LIN54: variants seen among roughly 807,000 people sequenced by gnomAD.
LIN54 encodes protein lin-54 homolog.
Under a neutral mutation model 78.7 loss-of-function variants are expected in LIN54, and 9 were observed. The observed-to-expected ratio is 0.11, with a 90% CI of 0.07 to 0.20. The LOEUF is 0.20. Ranked by LOEUF, LIN54 falls within the 10% of genes least tolerant of loss-of-function variation. The pLI, the probability that LIN54 is intolerant of heterozygous loss-of-function variation, is 1.00. For synonymous variants in LIN54, 269 were observed against 318.4 expected (o/e 0.84, Z 1.65); for missense variants, 573 against 889.9 (o/e 0.64, Z 4.53).
chr4:82,994,933 A>T (rs554246805), intron 1 of LIN54, among the ~76,000 whole-genome samples: 1 of 152,002 alleles, frequency 6.6e-6, no homozygotes, highest in Admixed American at 6.6e-5. Context: ...CTGTTAAAAG[A>T]GACTGAGAAT....
intron 3 of LIN54, among the ~76,000 whole-genome samples, chr4:82,977,566 A>C (rs928301134): frequency 6.6e-6 from 1 of 152,230 alleles, no homozygotes; most frequent in Admixed American, 6.5e-5. Context: ...TCAAGCCTAC[A>C]TACAAATCAA....
intron 11 of LIN54, 106 bp from the exon 12 acceptor site, chr4:82,931,251 A>G (rs974799385): frequency 6.7e-5 from 53 of 785,480 alleles, no homozygotes; most frequent in Non-Finnish European, 1.0e-4. Flanking sequence ...TGGTCAACTG[A>G]TAATAAGATT....
chr4:83,010,430 C>CCCAAAAAAA, intron 1 of LIN54, 54 bp downstream of exon 1: 1 of 577,000 alleles, frequency 1.7e-6, no homozygotes, highest in Non-Finnish European at 2.2e-6. Flanking sequence ...CCCATCCCCC[C>CCCAAAAAAA]AAATAAAGAG....
intron 11 of LIN54, among the ~76,000 whole-genome samples, chr4:82,931,611 A>G (rs1278889003): frequency 2.6e-5 from 4 of 152,202 alleles, no homozygotes; most frequent in Non-Finnish European, 5.9e-5. Context: ...TTTAATCTGA[A>G]GAGGGAGTTC....
At chr4:82,959,795 T>C (rs557619412) in intron 4 of LIN54, among the ~76,000 whole-genome samples, 1 of 152,302 alleles carries the variant, frequency 6.6e-6, no homozygotes, top group South Asian at 2.1e-4. Context: ...TTGAAAAACA[T>C]TGTTCTCACA....
intron 2 of LIN54, among the ~76,000 whole-genome samples, chr4:82,979,673 T>C (rs757238949): frequency 1.3e-5 from 2 of 152,056 alleles, no homozygotes; most frequent in Non-Finnish European, 2.9e-5. Flanking sequence ...GCGCAGTGGC[T>C]CACGCCTGTA....
Position 82,928,029 on chromosome 4 carries a change from C to T in LIN54, c.*73G>A. 1 of 1,264,212 alleles carries T rather than the reference C, an allele frequency of 7.9e-7. No homozygotes were observed. Among genetic ancestry groups the T allele is most frequent in the Admixed American group, 1.8e-5 (1 of 56,466 alleles). The allele number at this position is 1,264,212 out of a possible 1,614,324, so 78.3% of individuals were successfully genotyped here. A position where few individuals can be genotyped will look rare whatever the true frequency, so the allele number is the denominator to read the frequency against. On this transcript the variant is annotated 3_prime_UTR_variant, in exon 13 of 13. Transcript: ENST00000340417. ...GAATTAAAATACAGTAATTGTTTTT[C>T]TTCCAGAAAATCAAGTGTCCCTGCA...
chr4:83,009,228 T>A (rs892104461), intron 1 of LIN54, among the ~76,000 whole-genome samples: 2 of 152,180 alleles, frequency 1.3e-5, no homozygotes, highest in Non-Finnish European at 2.9e-5. Context: ...ACTACAAAAT[T>A]TGTGATATAT....
chr4:82,958,339 T>A (rs1401226085), intron 4 of LIN54, among the ~76,000 whole-genome samples: 1 of 152,172 alleles, frequency 6.6e-6, no homozygotes, highest in Admixed American at 6.6e-5. Context: ...TTTCTTAGTC[T>A]CCCTTACAGT....
chr4:82,976,343 A>T (rs17006421), intron 3 of LIN54, among the ~76,000 whole-genome samples: 27,644 of 151,452 alleles, frequency 0.18, 2,677 homozygotes, highest in South Asian at 0.31. Context: ...TGAAACATAG[A>T]AAAAGATAGT....
At chr4:83,004,190 G>GT (rs1266283002) in intron 1 of LIN54, among the ~76,000 whole-genome samples, 1 of 151,990 alleles carries the variant, frequency 6.6e-6, no homozygotes, top group African/African-American at 2.4e-5. Flanking sequence ...GAGGTCAGGA[G>GT]TTTGAGACCA....
intron 1 of LIN54, among the ~76,000 whole-genome samples, chr4:82,992,804 G>A (rs1727843416): frequency 6.6e-6 from 1 of 152,026 alleles, no homozygotes; most frequent in African/African-American, 2.4e-5. Context: ...CAAGGTGGGT[G>A]GATCACGAGG....
chr4:82,927,235 T>C lies in LIN54; in HGVS notation c.*867A>G, dbSNP rs13132580. 0.18 allele frequency: 28,055 copies of C among 152,136 alleles called. 2,768 individuals carry two copies. Among genetic ancestry groups the C allele is most frequent in the South Asian group, 0.32 (1,529 of 4,826 alleles). The allele number at this position is 152,136 out of a possible 1,614,324, so 9.4% of individuals were successfully genotyped here. On this transcript the variant is annotated 3_prime_UTR_variant, in exon 13 of 13. Coordinates refer to ENST00000340417, the MANE Select transcript of LIN54 (RefSeq NM_194282.4). ...TTCATCTTTTGCAGCTTCCCTATTCTTTGTTTCTCCACCCATGCCAAATTT... is the reference window on the plus strand; with the variant it reads ...TTCATCTTTTGCAGCTTCCCTATTCCTTGTTTCTCCACCCATGCCAAATTT...
intron 6 of LIN54, 61 bp downstream of exon 6, chr4:82,939,825 TTTC>T: frequency 6.3e-7 from 1 of 1,588,838 alleles, no homozygotes; most frequent in Admixed American, 1.7e-5. Flanking sequence ...AAATCTTAAC[TTTC>T]TATTTAAAAA....
chr4:82,937,186 C>T, intron 9 of LIN54, 41 bp downstream of exon 9: 1 of 986,584 alleles, frequency 1.0e-6, no homozygotes, highest in African/African-American at 1.6e-5. Context: ...AAGTGCATTT[C>T]TAATTACATT....
intron 1 of LIN54, among the ~76,000 whole-genome samples, chr4:83,001,966 G>A (rs1036783144): frequency 0.024 from 605 of 25,602 alleles, 237 homozygotes; most frequent in African/African-American, 0.036. Flanking sequence ...AAGGAAGGAA[G>A]GAAGGAAGGA....
intron 1 of LIN54, among the ~76,000 whole-genome samples, chr4:82,998,305 G>A (rs1728413536): frequency 6.6e-6 from 1 of 152,000 alleles, no homozygotes; most frequent in Admixed American, 6.6e-5. Context: ...AGCACTTTGG[G>A]AGGCTGAGGC....
Position 82,926,693 on chromosome 4 carries a change from A to G in LIN54, c.*1409T>C, listed in dbSNP as rs1010578917. The stretch of plus-strand genomic sequence containing the variant: ...AATGATTTAGGTTATTTTAGTAATT[A>G]TAGGAAAACAGACCTTCCAAATCAC... On this transcript the variant is annotated 3_prime_UTR_variant, in exon 13 of 13. Transcript: ENST00000340417. 6.6e-6 allele frequency: 1 copy of G among 152,202 alleles called. No individual in the cohort carries two copies. The highest frequency in any genetic ancestry group is 2.4e-5 in the African/African-American group (1 of 41,458). 9.4% of individuals were successfully genotyped at this position (152,202 alleles called of 1,614,324 possible).
chr4:82,931,129 G>C lies in LIN54; in HGVS notation c.1862C>G (p.Ser621Cys), dbSNP rs1721915307. 6.2e-7 allele frequency: 1 copy of C among 1,613,726 alleles called. No homozygotes were observed. Among genetic ancestry groups the C allele is most frequent in the African/African-American group, 1.3e-5 (1 of 74,880 alleles). Residue 621 changes from serine to cysteine, a missense_variant, in exon 12 of 13, where the codon TCC (serine) becomes TGC (cysteine). By Grantham distance (112) the Ser-to-Cys change is moderately radical. Around this residue, in one of 6 missense-constraint regions of LIN54, gnomAD observed 5 missense variants for 45.8 expected, o/e 0.11. Coordinates refer to ENST00000340417, the MANE Select transcript of LIN54 (RefSeq NM_194282.4). Reference protein sequence around the residue: ...CECYEAKIMCSSICKCIGCKN... With the variant: ...CECYEAKIMCCSICKCIGCKN... ...ACAGCCAATACATTTGCATATTGAG[G>C]AACACATTATTTTTGCCTAAAAGAT...
Sources: gnomAD v4.1 joint callset for allele counts (sites outside exome capture counted in the v4.1 genomes callset) on GRCh38, gnomAD v4.1.1 for gene constraint, gnomAD v4.1.1 regional missense constraint, MANE v1.5 for transcripts, NCBI Gene and HGNC (gene_info 2026-07-23, HGNC 2026-07-21) for gene names.